PTPRJ: variants seen among roughly 807,000 people sequenced by gnomAD.
PTPRJ encodes receptor-type tyrosine-protein phosphatase eta.
In PTPRJ, 129 loss-of-function variants were observed where a neutral mutation model predicts 141.3. The ratio of observed to expected loss-of-function variants is 0.91; its 90% CI spans 0.79 to 1.06. PTPRJ has a LOEUF of 1.06. Ranked by LOEUF, PTPRJ falls within the 50% of genes least tolerant of loss-of-function variation. PTPRJ has a pLI of 0.00. For synonymous variants in PTPRJ, 610 were observed against 640.5 expected (o/e 0.95, Z 0.72); for missense variants, 1,601 against 1,679.7 (o/e 0.95, Z 0.82).
At chr11:48,102,338 T>C (rs1028800832) in intron 1 of PTPRJ, among the ~76,000 whole-genome samples, 7 of 152,166 alleles carry the variant, frequency 4.6e-5, no homozygotes, top group African/African-American at 1.7e-4. Flanking sequence ...TTCATGTCTT[T>C]AATGTGGCCA....
At chr11:48,086,056 CACTCCTCTGAAAGAG>C in intron 1 of PTPRJ, among the ~76,000 whole-genome samples, 1 of 152,204 alleles carries the variant, frequency 6.6e-6, no homozygotes, top group East Asian at 1.9e-4. Context: ...TAGCTCTGTT[CACTCCTCTGAAAGAG>C]ATTGGTGAGA....
chr11:48,061,057 A>G (rs955823832), intron 1 of PTPRJ, among the ~76,000 whole-genome samples: 17 of 152,100 alleles, frequency 1.1e-4, no homozygotes, highest in African/African-American at 3.9e-4. Flanking sequence ...CTGGAGTGCA[A>G]TGGCGCTATC....
At chr11:48,062,091 G>A (rs1467948653) in intron 1 of PTPRJ, among the ~76,000 whole-genome samples, 1 of 150,688 alleles carries the variant, frequency 6.6e-6, no homozygotes, top group Admixed American at 6.6e-5. Context: ...TTTTTGGTGG[G>A]TTTTGCTATG....
Position 48,156,210 on chromosome 11 carries a change from T to TA in PTPRJ, c.3438+98dup. 1.7e-6 allele frequency: 2 copies of TA among 1,171,026 alleles called. 1 individual carries two copies. The highest frequency in any genetic ancestry group is 3.2e-5 in the South Asian group (2 of 62,362). The allele number at this position is 1,171,026 out of a possible 1,614,324, so 72.5% of individuals were successfully genotyped here. ...GTATCTTAAAAACCATTTGTTTCTT[T>TA]AAAAAAACTCAAACATTAGCACTTT... On this transcript the variant is annotated intron_variant, in intron 21 of 24. Transcript: ENST00000418331.
intron 1 of PTPRJ, among the ~76,000 whole-genome samples, chr11:48,070,139 G>T (rs1477113339): frequency 6.6e-6 from 1 of 152,130 alleles, no homozygotes; most frequent in Non-Finnish European, 1.5e-5. Flanking sequence ...ATAAAATATG[G>T]TATTTAGGGG....
At chr11:48,107,664 G>C (rs1408084604) in intron 1 of PTPRJ, among the ~76,000 whole-genome samples, 1 of 152,220 alleles carries the variant, frequency 6.6e-6, no homozygotes, top group Non-Finnish European at 1.5e-5. Context: ...AAGGGAGAGT[G>C]GTTGAGGTCA....
At chr11:48,092,635 G>A (rs1217292582) in intron 1 of PTPRJ, among the ~76,000 whole-genome samples, 1 of 152,052 alleles carries the variant, frequency 6.6e-6, no homozygotes, top group Non-Finnish European at 1.5e-5. Flanking sequence ...TCACCATGTT[G>A]GCTAGGCTGG....
At chr11:48,063,894 T>C (rs1855005656) in intron 1 of PTPRJ, among the ~76,000 whole-genome samples, 1 of 151,674 alleles carries the variant, frequency 6.6e-6, no homozygotes, top group Non-Finnish European at 1.5e-5. Context: ...AAATCTGGCA[T>C]TTGTTGTAGA....
rs77290212 is a variant in PTPRJ, at chr11:48,085,231, A to G, written c.97-24827A>G. 7.2e-4 allele frequency among the ~76,000 whole-genome samples: 106 copies of G among 147,912 alleles called. No individual in the cohort carries two copies. The East Asian group carries it at 0.016, about 23-fold the overall frequency. ...TAAGCAGACATTAAAGAGATTTGCAAATATCTAAAATAATGCTATCTCTCT... is the reference window on the plus strand; with the variant it reads ...TAAGCAGACATTAAAGAGATTTGCAGATATCTAAAATAATGCTATCTCTCT... On this transcript the variant is annotated intron_variant, in intron 1 of 24. Transcript: ENST00000418331.
At chr11:48,096,439 C>T (rs1160423057) in intron 1 of PTPRJ, among the ~76,000 whole-genome samples, 1 of 152,154 alleles carries the variant, frequency 6.6e-6, no homozygotes, top group East Asian at 1.9e-4. Flanking sequence ...AAGAAGCTAT[C>T]AGAAGTTTAC....
chr11:47,997,161 C>G (rs1222915210), intron 1 of PTPRJ, among the ~76,000 whole-genome samples: 1 of 152,212 alleles, frequency 6.6e-6, no homozygotes, highest in Non-Finnish European at 1.5e-5. Flanking sequence ...TGCAGCCTCC[C>G]TGGCCTCTGC....
At chr11:48,137,399 A>G in intron 10 of PTPRJ, 118 bp downstream of exon 10, 1 of 1,117,342 alleles carries the variant, frequency 8.9e-7, no homozygotes, top group Non-Finnish European at 1.3e-6. Context: ...ATGGACATTG[A>G]GCTTTCCGAG....
intron 1 of PTPRJ, among the ~76,000 whole-genome samples, chr11:48,014,093 C>A (rs922212654): frequency 6.6e-6 from 1 of 152,090 alleles, no homozygotes; most frequent in Non-Finnish European, 1.5e-5. Flanking sequence ...AGGGTATTGG[C>A]GTGAAGAGTG....
At chr11:48,089,221 G>C (rs1855795479) in intron 1 of PTPRJ, among the ~76,000 whole-genome samples, 1 of 152,168 alleles carries the variant, frequency 6.6e-6, no homozygotes, top group Non-Finnish European at 1.5e-5. Flanking sequence ...CCAGAAACAT[G>C]TTACAAAAAC....
In PTPRJ at chr11:48,163,493, C is replaced by G. The variant is rs200339052; in HGVS notation, c.3594C>G (p.Phe1198Leu). Residue 1198 changes from phenylalanine to leucine, a missense_variant, in exon 23 of 25, where the codon TTC (phenylalanine) becomes TTG (leucine). Physicochemically the swap from Phe to Leu is conservative, Grantham distance 22. Coordinates refer to ENST00000418331, the MANE Select transcript of PTPRJ (RefSeq NM_002843.4). Reference sequence around the variant, plus strand: ...GTGAGAGTCACCCTCTGAGACAGTTCCATTTCACCTCCTGGCCAGACCACG... The same window carrying G: ...GTGAGAGTCACCCTCTGAGACAGTTGCATTTCACCTCCTGGCCAGACCACG... ...QTSESHPLRQ[F>L]HFTSWPDHGV... 1.9e-5 allele frequency: 30 copies of G among 1,614,020 alleles called. No homozygotes were observed. In the East Asian group the frequency reaches 6.2e-4, roughly 34 times the overall value.
chr11:48,084,287 T>A (rs1342707202), intron 1 of PTPRJ, among the ~76,000 whole-genome samples: 1 of 152,152 alleles, frequency 6.6e-6, no homozygotes, highest in African/African-American at 2.4e-5. Context: ...GCGATTCTCC[T>A]GCTTCAGCAT....
At chr11:48,013,672 G>A (rs960669655) in intron 1 of PTPRJ, among the ~76,000 whole-genome samples, 2 of 152,072 alleles carry the variant, frequency 1.3e-5, no homozygotes, top group Non-Finnish European at 2.9e-5. Flanking sequence ...GGCAGCTCAC[G>A]GCTGTGTGGG....
chr11:48,164,156 G>C (rs1249693810), intron 23 of PTPRJ, among the ~76,000 whole-genome samples: 2 of 152,214 alleles, frequency 1.3e-5, no homozygotes, highest in Non-Finnish European at 2.9e-5. Context: ...AGGGTTATAT[G>C]TGTGGCATCT....
At chr11:48,133,225 C>G (rs1857019536) in intron 8 of PTPRJ, among the ~76,000 whole-genome samples, 1 of 152,204 alleles carries the variant, frequency 6.6e-6, no homozygotes, top group African/African-American at 2.4e-5. Context: ...TGACCTGTGT[C>G]TGCTGTCTAA....
Sources: allele counts gnomAD v4.1 joint callset (sites outside exome capture counted in the v4.1 genomes callset), GRCh38; gene constraint gnomAD v4.1.1; transcripts MANE v1.5; gene names NCBI Gene and HGNC (gene_info 2026-07-23, HGNC 2026-07-21).